Variants in REV1 observed in about 807,000 individuals in gnomAD.
The protein encoded by REV1 is translesion synthesis protein REV1.
Under a neutral mutation model 137.4 loss-of-function variants are expected in REV1, and 42 were observed. The observed-to-expected ratio is 0.31, with a 90% CI of 0.24 to 0.40. The LOEUF is 0.40. REV1 is among the 10% of genes least tolerant of loss of function. The probability of loss-of-function intolerance (pLI) is 1.00; values close to 1 mark genes in which losing one functional copy is unlikely to be tolerated. For missense variants in REV1, 1,282 were observed against 1,490.1 expected, an observed-to-expected ratio of 0.86 and a Z score of 2.30; for synonymous variants, 524 against 519.2, an observed-to-expected ratio of 1.01 and a Z score of -0.12.
In REV1 at chr2:99,438,984, T is replaced by G; in HGVS notation, c.830A>C (p.Gln277Pro). ...SSTDFRDCTLQQLQQSTRNTD... is the reference protein window; with the variant it reads ...SSTDFRDCTLPQLQQSTRNTD... ...GTTTCTGGTGCTTTGCTGCAACTGC[T>G]GCAGAGTGCAGTCTCTGAAATCAGT... Residue 277 changes from glutamine to proline, a missense_variant, in exon 6 of 23, where the codon CAG (glutamine) becomes CCG (proline). Physicochemically the swap from Gln to Pro is moderately conservative, Grantham distance 76. Coordinates refer to ENST00000258428, the MANE Select transcript of REV1 (RefSeq NM_016316.4). 3 of 1,614,222 alleles carry G rather than the reference T, an allele frequency of 1.9e-6. No individual in the cohort carries two copies. Among genetic ancestry groups the G allele is most frequent in the Non-Finnish European group, 2.5e-6 (3 of 1,180,030 alleles).
intron 4 of REV1, among the ~76,000 whole-genome samples, chr2:99,445,343 C>T (rs1451077945): frequency 6.6e-6 from 1 of 152,144 alleles, no homozygotes; most frequent in Non-Finnish European, 1.5e-5. Flanking sequence ...ACTAGTAGAT[C>T]CCATTGAGCT....
intron 1 of REV1, among the ~76,000 whole-genome samples, chr2:99,480,385 G>A (rs1686487994): frequency 6.6e-6 from 1 of 152,168 alleles, no homozygotes; most frequent in Non-Finnish European, 1.5e-5. Flanking sequence ...TAGGAACATG[G>A]CCAGATGTAG....
chr2:99,420,224 T>G (rs1678478791), intron 11 of REV1, among the ~76,000 whole-genome samples: 1 of 152,214 alleles, frequency 6.6e-6, no homozygotes, highest in South Asian at 2.1e-4. Context: ...ATCATACTTT[T>G]TATTTTCTGT....
intron 9 of REV1, chr2:99,424,991 G>A (rs1679152815): frequency 3.0e-5 from 26 of 862,888 alleles, no homozygotes; most frequent in Admixed American, 1.7e-4. Context: ...CTATAATTAT[G>A]GAATTATACA....
rs1270445429 is a variant in REV1, at chr2:99,412,986, A to G, written c.1952-35T>C. ...GGAATATAGTTAAGTATGCAGAATA[A>G]GCTACTAATAACAAGTTTATTAACA... On this transcript the variant is annotated intron_variant, in intron 12 of 22. Coordinates refer to ENST00000258428, the MANE Select transcript of REV1 (RefSeq NM_016316.4). The G allele has an allele frequency of 3.5e-6, 5 of 1,435,048 alleles. No individual in the cohort carries two copies. The African/African-American group carries it at 4.2e-5, about 12-fold the overall frequency. The allele number at this position is 1,435,048 out of a possible 1,614,324, so 88.9% of individuals were successfully genotyped here. A position where few individuals can be genotyped will look rare whatever the true frequency, so the allele number is the denominator to read the frequency against.
intron 4 of REV1, among the ~76,000 whole-genome samples, chr2:99,447,458 C>A (rs947136630): frequency 1.3e-5 from 2 of 152,152 alleles, no homozygotes; most frequent in African/African-American, 4.8e-5. Context: ...GCGTGAGCCA[C>A]CGCGCCCAGC....
chr2:99,439,144 T>A lies in REV1; in HGVS notation c.670A>T (p.Ile224Phe), dbSNP rs1407398531. The A allele has an allele frequency of 6.2e-7, 1 of 1,614,168 alleles. No individual in the cohort carries two copies. ...GIPHPRGSTA[I>F]FNGHTPSSNG... ...GAGCTAGGAGTGTGTCCATTAAAAA[T>A]GGCAGTGCTCCCTCTGGGATGCGGA... The change falls in exon 6 of 23, where the codon ATT becomes TTT. Residue 224 changes from isoleucine to phenylalanine, a missense_variant. Coordinates refer to ENST00000258428, the MANE Select transcript of REV1 (RefSeq NM_016316.4).
intron 11 of REV1, among the ~76,000 whole-genome samples, chr2:99,420,006 T>C (rs1243272714): frequency 6.6e-6 from 1 of 152,194 alleles, no homozygotes; most frequent in Non-Finnish European, 1.5e-5. Flanking sequence ...AGTGGGACTT[T>C]GGCATTACAT....
intron 2 of REV1, 70 bp from the exon 3 acceptor site, chr2:99,462,692 A>AAT: frequency 6.8e-7 from 1 of 1,467,456 alleles, no homozygotes; most frequent in Non-Finnish European, 9.3e-7. Context: ...AAAAAAAAAA[A>AAT]TTTTAAAAAC....
At chr2:99,407,599 C>T (rs887381387) in intron 15 of REV1, among the ~76,000 whole-genome samples, 2 of 151,596 alleles carry the variant, frequency 1.3e-5, no homozygotes, top group Non-Finnish European at 2.9e-5. Flanking sequence ...CATTTTGATG[C>T]CTCTTGCCTG....
rs1240227305 is a variant in REV1 at position 99,455,841 on chromosome 2, T to TCCC, written c.182-6340_182-6338dup. ...ATATAAGTCTGTTACACTTGCATAT[T>TCCC]CCCCCTTGTTTCATTTTGTGAATTG... On this transcript the variant is annotated intron_variant, in intron 3 of 22. Transcript: ENST00000258428. Among the ~76,000 whole-genome samples the TCCC allele has an allele frequency of 6.6e-5, 10 of 152,284 alleles. No individual in the cohort carries two copies. In the East Asian group the frequency reaches 1.5e-3, roughly 23 times the overall value.
chr2:99,434,870 T>A (rs757669614), intron 7 of REV1, among the ~76,000 whole-genome samples: 1 of 152,090 alleles, frequency 6.6e-6, no homozygotes, highest in Non-Finnish European at 1.5e-5. Flanking sequence ...AGAAACTAAA[T>A]ACATATGCAT....
rs1216687739 is a variant in REV1 at position 99,449,407 on chromosome 2, T to C, written c.279A>G (p.Thr93=). The change falls in exon 4 of 23, where the codon ACA becomes ACG. Residue 93 remains threonine, a synonymous_variant. Coordinates refer to ENST00000258428, the MANE Select transcript of REV1 (RefSeq NM_016316.4). ...CTTTAATTTTGGCATTGGGAAGATT[T>C]GTGGCAATAATATGTGTTGTTTTAG... ...SRSKTTHIIA[T]NLPNAKIKEL... is the part of the protein sequence containing the mutation. 4 of 1,574,776 alleles carry C rather than the reference T, an allele frequency of 2.5e-6. No homozygotes were observed. The East Asian group carries it at 9.4e-5, about 37-fold the overall frequency.
At chr2:99,412,975 T>C in intron 12 of REV1, 24 bp from the exon 13 acceptor site, 1 of 1,522,898 alleles carries the variant, frequency 6.6e-7, no homozygotes, top group East Asian at 2.3e-5. Context: ...TATAGTTAAG[T>C]ATGCAGAATA....
At chr2:99,457,493 C>G (rs777306820) in intron 3 of REV1, among the ~76,000 whole-genome samples, 4 of 152,118 alleles carry the variant, frequency 2.6e-5, no homozygotes, top group Non-Finnish European at 4.4e-5. Context: ...ACCAGCCTGG[C>G]CAACATGGCG....
intron 1 of REV1, among the ~76,000 whole-genome samples, chr2:99,472,961 T>TACGGCTACAGTTTTCAAACAATTG (rs1264044414): frequency 1.3e-5 from 2 of 152,228 alleles, no homozygotes; most frequent in Admixed American, 1.3e-4. Flanking sequence ...CATCATTGTC[T>TACGGCTACAGTTTTCAAACAATTG]ACGGCTACAG....
At chr2:99,473,374 A>C (rs995064268) in intron 1 of REV1, among the ~76,000 whole-genome samples, 3 of 151,648 alleles carry the variant, frequency 2.0e-5, no homozygotes, top group Non-Finnish European at 2.9e-5. Context: ...TCAAAAAAAA[A>C]AAAAAGAAAA....
rs889512167 is a variant in REV1, at chr2:99,488,395, G to C, written c.-11+1422C>G. Among the ~76,000 whole-genome samples, 4 of 119,240 alleles carry C rather than the reference G, an allele frequency of 3.4e-5. No individual in the cohort carries two copies. The Admixed American group carries it at 4.2e-4, about 13-fold the overall frequency. 78.2% of individuals were successfully genotyped at this position (119,240 alleles called of 152,430 possible). ...TTACAAAAAAAATTAAATATGTACG[G>C]TTTACCGTAAAATAGCGGTTAAGGT... On this transcript the variant is annotated intron_variant, in intron 1 of 22. Coordinates refer to ENST00000258428, the MANE Select transcript of REV1 (RefSeq NM_016316.4).
chr2:99,419,003 A>G, intron 11 of REV1, 56 bp from the exon 12 acceptor site: 1 of 1,388,342 alleles, frequency 7.2e-7, no homozygotes, highest in East Asian at 2.3e-5. Flanking sequence ...TAAATTTCTC[A>G]ACAAAGATCT....
Sources: allele counts gnomAD v4.1 joint callset (sites outside exome capture counted in the v4.1 genomes callset), GRCh38; gene constraint gnomAD v4.1.1; transcripts MANE v1.5; gene names NCBI Gene and HGNC (gene_info 2026-07-23, HGNC 2026-07-21).